Variants in ERC2 observed in about 807,000 individuals in gnomAD.
The protein encoded by ERC2 is ERC protein 2.
ERC2 carries 42 observed loss-of-function variants against 114.8 expected under a neutral mutation model. The ratio of observed to expected loss-of-function variants is 0.37; its 90% CI spans 0.29 to 0.47. The LOEUF (loss-of-function observed/expected upper bound fraction) is 0.47, where lower values mean the gene tolerates loss of function less well. Ranked by LOEUF, ERC2 falls within the 20% of genes least tolerant of loss-of-function variation. ERC2 has a pLI of 0.99. For missense variants in ERC2, 939 were observed against 1,150.7 expected (o/e 0.82, Z 2.66); for synonymous variants, 454 against 425.5 (o/e 1.07, Z -0.82).
chr3:56,395,671 C>T (rs1175809807), intron 2 of ERC2, among the ~76,000 whole-genome samples: 1 of 152,208 alleles, frequency 6.6e-6, no homozygotes, highest in Non-Finnish European at 1.5e-5. Flanking sequence ...TGAAAGTTCC[C>T]TGAGGCTTCA....
chr3:55,914,081 G>C (rs1311795278), intron 13 of ERC2, among the ~76,000 whole-genome samples: 1 of 151,824 alleles, frequency 6.6e-6, no homozygotes, highest in East Asian at 1.9e-4. Flanking sequence ...AAGGAGACTG[G>C]ATACTCATCT....
At chr3:55,842,190 A>G (rs151066028) in intron 14 of ERC2, among the ~76,000 whole-genome samples, 35 of 152,324 alleles carry the variant, frequency 2.3e-4, no homozygotes, top group African/African-American at 7.2e-4. Context: ...AGTAGTGGTG[A>G]AAGTGGAAGT....
At chr3:55,613,655 G>C (rs898179390) in intron 17 of ERC2, among the ~76,000 whole-genome samples, 1 of 152,016 alleles carries the variant, frequency 6.6e-6, no homozygotes, top group African/African-American at 2.4e-5. Flanking sequence ...TGAAGAAGTC[G>C]GGATAATGGC....
intron 7 of ERC2, among the ~76,000 whole-genome samples, chr3:56,067,041 C>G (rs1284914206): frequency 6.6e-6 from 1 of 152,144 alleles, no homozygotes; most frequent in Non-Finnish European, 1.5e-5. Context: ...GGCATGGGCT[C>G]TTTTATGGTT....
intron 3 of ERC2, among the ~76,000 whole-genome samples, chr3:56,258,976 ATT>A (rs36089023): frequency 2.8e-5 from 4 of 144,120 alleles, no homozygotes; most frequent in African/African-American, 1.0e-4. Context: ...TAATTAATTA[ATT>A]TTTTTTTTTT....
intron 3 of ERC2, among the ~76,000 whole-genome samples, chr3:56,245,052 C>G (rs2150214714): frequency 6.6e-6 from 1 of 152,236 alleles, no homozygotes; most frequent in East Asian, 1.9e-4. Flanking sequence ...TATTGCATAG[C>G]TGTATAGTAG....
At chr3:56,253,004 C>A (rs2052277974) in intron 3 of ERC2, among the ~76,000 whole-genome samples, 1 of 152,152 alleles carries the variant, frequency 6.6e-6, no homozygotes, top group Non-Finnish European at 1.5e-5. Context: ...TTTCAGAGTA[C>A]TTTGTTCAGG....
intron 3 of ERC2, among the ~76,000 whole-genome samples, chr3:56,229,815 A>G (rs1300309177): frequency 6.6e-6 from 1 of 151,844 alleles, no homozygotes; most frequent in Admixed American, 6.6e-5. Flanking sequence ...GCTCAGCTCT[A>G]AAAACTCTAT....
At chr3:56,303,377 AT>A (rs2056019032) in intron 2 of ERC2, among the ~76,000 whole-genome samples, 1 of 152,358 alleles carries the variant, frequency 6.6e-6, no homozygotes, top group Admixed American at 6.5e-5. Context: ...TCATCTGTGC[AT>A]TAAAAATACG....
chr3:55,982,461 T>C (rs1339503709), intron 12 of ERC2, among the ~76,000 whole-genome samples: 2 of 143,724 alleles, frequency 1.4e-5, no homozygotes, highest in Non-Finnish European at 3.1e-5. Context: ...AAGTGAACAT[T>C]AAAAAGAACA....
intron 7 of ERC2, among the ~76,000 whole-genome samples, chr3:56,061,667 A>G (rs1329812775): frequency 6.6e-6 from 1 of 152,260 alleles, no homozygotes; most frequent in African/African-American, 2.4e-5. Context: ...TGGAAATGAA[A>G]TACTAAACCA....
chr3:55,741,378 C>CT (rs1431455884), intron 14 of ERC2, among the ~76,000 whole-genome samples: 2 of 151,906 alleles, frequency 1.3e-5, no homozygotes, highest in Non-Finnish European at 1.5e-5. Flanking sequence ...TGATGCACCA[C>CT]TTTTTTTTAA....
intron 14 of ERC2, among the ~76,000 whole-genome samples, chr3:55,879,986 C>T (rs1022208692): frequency 5.9e-5 from 9 of 152,216 alleles, no homozygotes; most frequent in Admixed American, 2.6e-4. Flanking sequence ...GCTTAGATAA[C>T]TGCCTAGGGC....
intron 12 of ERC2, among the ~76,000 whole-genome samples, chr3:55,975,718 T>C (rs2069531918): frequency 6.6e-6 from 1 of 152,172 alleles, no homozygotes. Context: ...ATCTTTTATC[T>C]CAGTACTCAA....
chr3:56,132,087 T>A (rs1471311254), intron 6 of ERC2, among the ~76,000 whole-genome samples: 1 of 152,224 alleles, frequency 6.6e-6, no homozygotes, highest in African/African-American at 2.4e-5. Flanking sequence ...TCCCAATGAA[T>A]AAGTAGTTCT....
At chr3:55,530,970 G>C (rs745359517) in intron 17 of ERC2, among the ~76,000 whole-genome samples, 3 of 152,168 alleles carry the variant, frequency 2.0e-5, no homozygotes, top group Non-Finnish European at 4.4e-5. Context: ...GGGCTCCAGA[G>C]CCCAACTGAC....
intron 17 of ERC2, among the ~76,000 whole-genome samples, chr3:55,532,999 C>T (rs993315309): frequency 1.8e-4 from 28 of 152,216 alleles, no homozygotes; most frequent in Non-Finnish European, 2.9e-5. Context: ...GGGCCCTTGG[C>T]CCCTAAAATC....
At chr3:55,932,053 T>C (rs545111755) in intron 13 of ERC2, among the ~76,000 whole-genome samples, 10 of 152,224 alleles carry the variant, frequency 6.6e-5, no homozygotes, top group Non-Finnish European at 1.0e-4. Flanking sequence ...TCTCCTCCCA[T>C]GTTTTCATAA....
At chr3:56,144,491 C>T (rs1050375779) in intron 5 of ERC2, among the ~76,000 whole-genome samples, 6 of 152,198 alleles carry the variant, frequency 3.9e-5, no homozygotes, top group Non-Finnish European at 8.8e-5. Context: ...TTCAACTCTA[C>T]ACACCTAAGC....
Sources: gnomAD v4.1 joint callset for allele counts (sites outside exome capture counted in the v4.1 genomes callset) on GRCh38, gnomAD v4.1.1 for gene constraint, MANE v1.5 for transcripts, NCBI Gene and HGNC (gene_info 2026-07-23, HGNC 2026-07-21) for gene names.